The following GLS variants were observed in gnomAD, a reference collection of about 807,000 sequenced individuals.
The protein encoded by GLS is glutaminase kidney isoform, mitochondrial.
GLS carries 36 observed loss-of-function variants against 86.7 expected under a neutral mutation model. The ratio of observed to expected loss-of-function variants is 0.42; its 90% CI spans 0.32 to 0.55. The LOEUF is 0.55. GLS is among the 20% of genes least tolerant of loss of function. The probability of loss-of-function intolerance (pLI) is 0.17; values close to 1 mark genes in which losing one functional copy is unlikely to be tolerated. For synonymous variants in GLS, 317 were observed against 305.9 expected (o/e 1.04, Z -0.38); for missense variants, 528 against 833.4 (o/e 0.63, Z 4.51).
At chr2:190,918,310 G>T (rs1689610272) in intron 7 of GLS, among the ~76,000 whole-genome samples, 1 of 152,130 alleles carries the variant, frequency 6.6e-6, no homozygotes, top group South Asian at 2.1e-4. Flanking sequence ...TTCTGCATCA[G>T]CCCTTGCCAT....
rs139953643 is a variant in GLS, at chr2:190,925,271, A to G, written c.1248+678A>G. On this transcript the variant is annotated intron_variant, in intron 11 of 17. Transcript: ENST00000320717. ...CTCTTATTCAGCATTTAAAAGTGTC[A>G]GTGTCTCAGCTGACTTGGTATCTTG... Among the ~76,000 whole-genome samples, 603 of 152,238 alleles carry G rather than the reference A, an allele frequency of 4.0e-3. 2 individuals carry two copies. Among genetic ancestry groups the G allele is most frequent in the Middle Eastern group, 6.8e-3 (2 of 294 alleles).
intron 17 of GLS, among the ~76,000 whole-genome samples, chr2:190,960,588 C>T (rs1690977995): frequency 5.3e-5 from 8 of 151,744 alleles, no homozygotes; most frequent in Admixed American, 4.6e-4. Flanking sequence ...GTTGCCCAAG[C>T]TGGTCTCCAA....
At chr2:190,926,355 A>C (rs1013569304) in intron 11 of GLS, among the ~76,000 whole-genome samples, 2 of 152,144 alleles carry the variant, frequency 1.3e-5, no homozygotes, top group African/African-American at 4.8e-5. Context: ...TTTTATATAA[A>C]TAGGCAATGT....
rs1203306300 is a variant in GLS, at chr2:190,962,459, T to C, written c.1854-371T>C. On this transcript the variant is annotated intron_variant, in intron 17 of 17. Coordinates refer to ENST00000320717, the MANE Select transcript of GLS (RefSeq NM_014905.5). The surrounding 1 kb of genome is among the most constrained non-coding windows in gnomAD (Gnocchi z 4.2). ...GGATGTTATATGCCTGAATTTTCTT[T>C]GAACATTTTATTTTAAAAGAGATAC... Among the ~76,000 whole-genome samples, 3 of 152,212 alleles carry C rather than the reference T, an allele frequency of 2.0e-5. No homozygotes were observed. Among genetic ancestry groups the C allele is most frequent in the African/African-American group, 4.8e-5 (2 of 41,460 alleles).
chr2:190,924,101 A>G lies in GLS; in HGVS notation c.1197+118A>G. The G allele has an allele frequency of 1.6e-6, 1 of 629,128 alleles. No homozygotes were observed. Among genetic ancestry groups the G allele is most frequent in the Non-Finnish European group, 2.8e-6 (1 of 356,566 alleles). The allele number at this position is 629,128 out of a possible 1,614,324, so 39.0% of individuals were successfully genotyped here. On this transcript the variant is annotated intron_variant, in intron 10 of 17. Coordinates refer to ENST00000320717, the MANE Select transcript of GLS (RefSeq NM_014905.5). This position sits in a 1 kb window ranked among gnomAD's most constrained non-coding sequence, Gnocchi z 5.2. ...AACTACCTATTACTATTTAAGGTGC[A>G]GAAGTTTTTGCAGAGTGCTCGTGAG...
At chr2:190,881,678 A>G (rs901784368) in intron 1 of GLS, 3 of 491,668 alleles carry the variant, frequency 6.1e-6, no homozygotes, top group Non-Finnish European at 7.0e-6. Context: ...CCAGGCACCC[A>G]CTTCCCTTCT....
At chr2:190,906,859 T>TA (rs1233611658) in intron 6 of GLS, among the ~76,000 whole-genome samples, 1 of 152,076 alleles carries the variant, frequency 6.6e-6, no homozygotes, top group Non-Finnish European at 1.5e-5. Context: ...ATATTACTGT[T>TA]ACACCAGCTT....
chr2:190,904,606 A>ACT (rs1192958499), intron 5 of GLS, among the ~76,000 whole-genome samples: 1 of 152,144 alleles, frequency 6.6e-6, no homozygotes, highest in Admixed American at 6.6e-5. Flanking sequence ...GCTGTAGTAA[A>ACT]CATGTACAGA....
intron 7 of GLS, among the ~76,000 whole-genome samples, chr2:190,916,196 A>G (rs1574590220): frequency 6.6e-6 from 1 of 152,340 alleles, no homozygotes; most frequent in Non-Finnish European, 1.5e-5. Context: ...CTTACAAATT[A>G]GTATGGGAAA....
At chr2:190,958,415 C>T (rs1469592991) in intron 17 of GLS, among the ~76,000 whole-genome samples, 2 of 152,126 alleles carry the variant, frequency 1.3e-5, no homozygotes, top group Non-Finnish European at 2.9e-5. Flanking sequence ...TTTCATGTCT[C>T]TGTCTCCTTC....
rs532168901 is a variant in GLS at position 190,941,223 on chromosome 2, AAAT to A, written c.1650+9590_1650+9592del. ...GATACAGGTACTGAATAAATACTGA[AAAT>A]AATTAAAATGGTAATAAGTGATTTG... On this transcript the variant is annotated intron_variant, in intron 14 of 17. Transcript: ENST00000320717. 3.4e-3 allele frequency among the ~76,000 whole-genome samples: 523 copies of A among 152,326 alleles called. 9 individuals carry two copies. The highest frequency in any genetic ancestry group is 0.012 in the African/African-American group (502 of 41,580).
chr2:190,888,835 C>T (rs1688472771), intron 1 of GLS, among the ~76,000 whole-genome samples: 1 of 152,136 alleles, frequency 6.6e-6, no homozygotes, highest in Admixed American at 6.5e-5. Context: ...TTTAGCTATC[C>T]TCCTTCACTC....
chr2:190,934,693 C>A, intron 14 of GLS: 1 of 960,790 alleles, frequency 1.0e-6, no homozygotes, highest in South Asian at 4.8e-5. Context: ...GTTTTCATAT[C>A]GTATACATAG....
intron 14 of GLS, among the ~76,000 whole-genome samples, chr2:190,940,495 A>T (rs1350352090): frequency 6.6e-6 from 1 of 152,102 alleles, no homozygotes; most frequent in African/African-American, 2.4e-5. Flanking sequence ...ACTTCCACCT[A>T]TCTGAATGCC....
chr2:190,884,473 CATTAT>C (rs1246227574), intron 1 of GLS, among the ~76,000 whole-genome samples: 1 of 152,158 alleles, frequency 6.6e-6, no homozygotes, highest in Non-Finnish European at 1.5e-5. Context: ...CTGGAATGAG[CATTAT>C]ATTAAAGTCA....
At position 190,943,988 on chromosome 2, in the gene GLS, T is replaced by C. The variant is rs751673715; in HGVS notation, c.1651-9577T>C. 2.1e-4 allele frequency among the ~76,000 whole-genome samples: 32 copies of C among 152,186 alleles called. No individual in the cohort carries two copies. Among genetic ancestry groups the C allele is most frequent in the Non-Finnish European group, 4.3e-4 (29 of 68,034 alleles). ...CAAGTCCATGTGCCTGGCTTTGTTA[T>C]AGTAGCAGGATTTGAGGCATGCTAA... On this transcript the variant is annotated intron_variant, in intron 14 of 17. Transcript: ENST00000320717. The surrounding 1 kb of genome is among the most constrained non-coding windows in gnomAD (Gnocchi z 4.5).
chr2:190,956,343 T>C lies in GLS; in HGVS notation c.1853+1525T>C, dbSNP rs1234087362. On this transcript the variant is annotated intron_variant, in intron 17 of 17. Coordinates refer to ENST00000320717, the MANE Select transcript of GLS (RefSeq NM_014905.5). The surrounding 1 kb of genome is among the most constrained non-coding windows in gnomAD (Gnocchi z 4.2). Reference sequence around the variant, plus strand: ...CCAGGTTCAGTTTTCTGCATATGGCTAGCCAGTTTTCCCAATACCTTTCCC... The same window carrying C: ...CCAGGTTCAGTTTTCTGCATATGGCCAGCCAGTTTTCCCAATACCTTTCCC... Among the ~76,000 whole-genome samples, 1 of 152,058 alleles carries C rather than the reference T, an allele frequency of 6.6e-6. No homozygotes were observed. The highest frequency in any genetic ancestry group is 2.4e-5 in the African/African-American group (1 of 41,440).
chr2:190,933,369 G>C, intron 14 of GLS: 1 of 871,550 alleles, frequency 1.1e-6, no homozygotes, highest in Non-Finnish European at 1.4e-6. Flanking sequence ...TAAAATAGCA[G>C]TGGATTATAA....
chr2:190,894,072 A>AT (rs1574565188), intron 1 of GLS, among the ~76,000 whole-genome samples: 1 of 152,294 alleles, frequency 6.6e-6, no homozygotes, highest in East Asian at 1.9e-4. Context: ...GTTAATTAAG[A>AT]TTTTTAATGC....
Sources: allele counts gnomAD v4.1 joint callset (sites outside exome capture counted in the v4.1 genomes callset), GRCh38; gene constraint gnomAD v4.1.1; non-coding constraint Gnocchi (gnomAD v3.1); transcripts MANE v1.5; gene names NCBI Gene and HGNC (gene_info 2026-07-23, HGNC 2026-07-21).